CCSAP: variants seen among roughly 807,000 people sequenced by gnomAD.
CCSAP encodes the protein centriole, cilia and spindle associated protein.
CCSAP carries 17 observed loss-of-function variants against 25.9 expected under a neutral mutation model. The ratio of observed to expected loss-of-function variants is 0.66; its 90% confidence interval spans 0.45 to 0.99. The LOEUF (loss-of-function observed/expected upper bound fraction) is 0.99, where lower values mean the gene tolerates loss of function less well. Among genes scored for constraint, CCSAP ranks in the 50% least tolerant of loss-of-function variants. The probability of loss-of-function intolerance (pLI) is 0.00; values close to 1 mark genes in which losing one functional copy is unlikely to be tolerated. For missense variants in CCSAP, 339 were observed against 367.8 expected, an observed-to-expected ratio of 0.92 and a Z score of 0.64; for synonymous variants, 169 against 157.1, an observed-to-expected ratio of 1.08 and a Z score of -0.57.
intron 2 of CCSAP, among the ~76,000 whole-genome samples, chr1:229,339,237 A>G (rs1658274012): frequency 1.3e-5 from 2 of 152,184 alleles, no homozygotes; most frequent in South Asian, 4.1e-4. Context: ...GTCAGAACAT[A>G]AAGGCCAAAG....
chr1:229,337,583 A>G (rs1658219278), intron 2 of CCSAP, among the ~76,000 whole-genome samples: 1 of 150,024 alleles, frequency 6.7e-6, no homozygotes, highest in Non-Finnish European at 1.5e-5. Context: ...GATCACACAA[A>G]GGAGGGAAAT....
intron 2 of CCSAP, among the ~76,000 whole-genome samples, chr1:229,341,383 T>C (rs1658329528): frequency 6.6e-6 from 1 of 152,204 alleles, no homozygotes; most frequent in South Asian, 2.1e-4. Context: ...TACTCCAGGC[T>C]GTACTGAGGC....
intron 2 of CCSAP, among the ~76,000 whole-genome samples, chr1:229,335,149 A>G (rs1223752247): frequency 6.6e-6 from 1 of 152,080 alleles, no homozygotes; most frequent in East Asian, 1.9e-4. Context: ...CTCATCTCTA[A>G]TAAAAATTAA....
rs183546234 is a variant in CCSAP, at chr1:229,329,759, C to T, written c.368-2753G>A. On this transcript the variant is annotated intron_variant, in intron 2 of 3. Transcript: ENST00000284617. The stretch of plus-strand genomic sequence containing the variant: ...TAATCCCAGCACTTTGGGAGGCCAA[C>T]GAGGGTGGATCACCTGAGGTCTGGA... Among the ~76,000 whole-genome samples the T allele has an allele frequency of 2.4e-3, 368 of 152,128 alleles. 2 individuals carry two copies. Among genetic ancestry groups the T allele is most frequent in the African/African-American group, 8.2e-3 (341 of 41,494 alleles).
intron 2 of CCSAP, among the ~76,000 whole-genome samples, chr1:229,339,588 G>T (rs1658282417): frequency 6.6e-6 from 1 of 152,100 alleles, no homozygotes. Context: ...CAAGAGAGAA[G>T]CCAAGAAAGG....
At chr1:229,328,468 T>A (rs1276160767) in intron 2 of CCSAP, among the ~76,000 whole-genome samples, 1 of 97,956 alleles carries the variant, frequency 1.0e-5, no homozygotes, top group Non-Finnish European at 2.2e-5. Context: ...GCCCAGGCAA[T>A]TTACAAAAAA....
Position 229,323,531 on chromosome 1 carries a change from G to A in CCSAP, c.*1704C>T, listed in dbSNP as rs1382749886. Reference sequence around the variant, plus strand: ...AATTGCCACATTAAGGTGATCTTTAGGTACCTGTGTCGTTTAAAGACTTTA... The same window carrying A: ...AATTGCCACATTAAGGTGATCTTTAAGTACCTGTGTCGTTTAAAGACTTTA... On this transcript the variant is annotated 3_prime_UTR_variant, in exon 4 of 4. Coordinates refer to ENST00000284617, the MANE Select transcript of CCSAP (RefSeq NM_145257.5). 1 of 152,146 alleles carries A rather than the reference G, an allele frequency of 6.6e-6. No individual in the cohort carries two copies. 9.4% of individuals were successfully genotyped at this position (152,146 alleles called of 1,614,324 possible).
intron 2 of CCSAP, among the ~76,000 whole-genome samples, chr1:229,340,085 G>A (rs1020563858): frequency 3.3e-5 from 5 of 152,156 alleles, no homozygotes; most frequent in Non-Finnish European, 7.3e-5. Flanking sequence ...ACAGAACTAC[G>A]TGATTCTATG....
chr1:229,335,624 C>T (rs900697283), intron 2 of CCSAP, among the ~76,000 whole-genome samples: 1 of 152,204 alleles, frequency 6.6e-6, no homozygotes, highest in Non-Finnish European at 1.5e-5. Context: ...GAAAAAGCAA[C>T]GCAGCATCAA....
intron 2 of CCSAP, chr1:229,340,606 CA>C: frequency 1.9e-6 from 1 of 539,142 alleles, no homozygotes; most frequent in South Asian, 2.8e-5. Flanking sequence ...CTACCCCCTC[CA>C]CCTTCTGTTA....
At chr1:229,337,864 A>C (rs1242710687) in intron 2 of CCSAP, among the ~76,000 whole-genome samples, 1 of 151,254 alleles carries the variant, frequency 6.6e-6, no homozygotes, top group Non-Finnish European at 1.5e-5. Context: ...ATAAGAAATA[A>C]GAAACTGTGA....
At position 229,326,984 on chromosome 1, in the gene CCSAP, T is replaced by C; in HGVS notation, c.390A>G (p.Glu130=). The C allele has an allele frequency of 6.2e-7, 1 of 1,609,338 alleles. No homozygotes were observed. Among genetic ancestry groups the C allele is most frequent in the Non-Finnish European group, 8.5e-7 (1 of 1,176,816 alleles). The change falls in exon 3 of 4, where the codon GAA becomes GAG. Residue 130 remains glutamate, a synonymous_variant. Coordinates refer to ENST00000284617, the MANE Select transcript of CCSAP (RefSeq NM_145257.5). ...TTCTGGTTTGTTGTTCAGGTTTATCTTCTACATCTTTCACTGGCAGTGCTT... is the reference window on the plus strand; with the variant it reads ...TTCTGGTTTGTTGTTCAGGTTTATCCTCTACATCTTTCACTGGCAGTGCTT... The part of the protein sequence containing the change: ...ALPALPVKDV[E]DKPEQQTRTR...
chr1:229,329,441 G>T (rs1658018739), intron 2 of CCSAP, among the ~76,000 whole-genome samples: 1 of 152,218 alleles, frequency 6.6e-6, no homozygotes, highest in Non-Finnish European at 1.5e-5. Flanking sequence ...AAGGCCTGGG[G>T]TAGATAGTGT....
intron 3 of CCSAP, among the ~76,000 whole-genome samples, chr1:229,326,332 G>T (rs1043473670): frequency 6.6e-6 from 1 of 152,202 alleles, no homozygotes; most frequent in Non-Finnish European, 1.5e-5. Flanking sequence ...ATAAAGAAGC[G>T]CCAGGTTATC....
chr1:229,337,428 G>T (rs1658217181), intron 2 of CCSAP, among the ~76,000 whole-genome samples: 1 of 151,396 alleles, frequency 6.6e-6, no homozygotes, highest in African/African-American at 2.4e-5. Flanking sequence ...ATCAATCCTG[G>T]ATATAATAAA....
chr1:229,325,309 T>C lies in CCSAP; in HGVS notation c.739A>G (p.Arg247Gly), dbSNP rs770979799. 1 of 1,614,228 alleles carries C rather than the reference T, an allele frequency of 6.2e-7. No homozygotes were observed. Among genetic ancestry groups the C allele is most frequent in the Non-Finnish European group, 8.5e-7 (1 of 1,180,032 alleles). ...TCTGAGGAGGAAGCCTTCATCTTTC[T>C]GTTCTTCTCCACATCCACAGAGTGA... The part of the protein sequence containing the change: ...RAHSVDVEKN[R>G]KMKASSSENP... Residue 247 changes from arginine (R) to glycine (G), a missense_variant, in exon 4 of 4, where the codon AGA becomes GGA. Transcript: ENST00000284617.
At chr1:229,336,620 ACCT>A (rs1325890642) in intron 2 of CCSAP, among the ~76,000 whole-genome samples, 2 of 152,016 alleles carry the variant, frequency 1.3e-5, no homozygotes, top group African/African-American at 2.4e-5. Flanking sequence ...CCGTGCACAG[ACCT>A]CCTAAAAAGC....
At position 229,333,350 on chromosome 1, in the gene CCSAP, G is replaced by A. The variant is rs533218545; in HGVS notation, c.368-6344C>T. On this transcript the variant is annotated intron_variant, in intron 2 of 3. Transcript: ENST00000284617. The stretch of plus-strand genomic sequence containing the variant: ...CCGGAGGCAGAGGCAGGAGAATGGC[G>A]TGAACCCGGGAGGCGGAGCTTGCAG... Among the ~76,000 whole-genome samples the A allele has an allele frequency of 9.6e-5, 14 of 145,948 alleles. No individual in the cohort carries two copies. The South Asian group carries it at 2.2e-3, about 23-fold the overall frequency.
At chr1:229,336,903 A>G (rs1432837061) in intron 2 of CCSAP, among the ~76,000 whole-genome samples, 1 of 152,178 alleles carries the variant, frequency 6.6e-6, no homozygotes, top group Non-Finnish European at 1.5e-5. Context: ...TTTAAAGCTA[A>G]GGTGAGAATT....
Sources: allele counts gnomAD v4.1 joint callset (sites outside exome capture counted in the v4.1 genomes callset), GRCh38; gene constraint gnomAD v4.1.1; transcripts MANE v1.5; gene names NCBI Gene and HGNC (gene_info 2026-07-23, HGNC 2026-07-21).